ZNF585A: variants seen among roughly 807,000 people sequenced by gnomAD.
ZNF585A encodes zinc finger protein 585A.
ZNF585A carries 9 observed loss-of-function variants against 14.9 expected under a neutral mutation model. The ratio of observed to expected loss-of-function variants is 0.60; its 90% CI spans 0.36 to 1.05. The LOEUF (loss-of-function observed/expected upper bound fraction) is 1.05, where lower values mean the gene tolerates loss of function less well. Among genes scored for constraint, ZNF585A ranks in the 50% least tolerant of loss-of-function variants. The pLI, the probability that ZNF585A is intolerant of heterozygous loss-of-function variation, is 0.01. For synonymous variants in ZNF585A, 276 were observed against 319.9 expected, an observed-to-expected ratio of 0.86 and a Z score of 1.46; for missense variants, 726 against 926.4, an observed-to-expected ratio of 0.78 and a Z score of 2.81.
Position 37,146,864 on chromosome 19 carries a change from G to C in ZNF585A, c.*4725C>G, listed in dbSNP as rs1429001014. On this transcript the variant is annotated 3_prime_UTR_variant, in exon 5 of 5. Transcript: ENST00000292841. ...TTGGTACTGCCCTGACATGGAGTTA[G>C]AGCTGGGTGTGCTGGACCATGGTGG... 1 of 152,352 alleles carries C rather than the reference G, an allele frequency of 6.6e-6. No homozygotes were observed. The highest frequency in any genetic ancestry group is 6.5e-5 in the Admixed American group (1 of 15,270). The allele number at this position is 152,352 out of a possible 1,614,324, so 9.4% of individuals were successfully genotyped here.
intron 2 of ZNF585A, among the ~76,000 whole-genome samples, chr19:37,156,793 G>C (rs1158670844): frequency 6.6e-6 from 1 of 152,052 alleles, no homozygotes; most frequent in East Asian, 1.9e-4. Flanking sequence ...CCAGGTTCAA[G>C]AGAGTCTCCT....
At chr19:37,167,954 C>G (rs1424402804) in intron 2 of ZNF585A, among the ~76,000 whole-genome samples, 4 of 152,142 alleles carry the variant, frequency 2.6e-5, no homozygotes, top group Non-Finnish European at 5.9e-5. Flanking sequence ...TAATTTAATG[C>G]TCTTAGAAAA....
rs960639691 is a variant in ZNF585A at position 37,155,943 on chromosome 19, C to G, written c.214G>C (p.Glu72Gln). 1.9e-6 allele frequency: 3 copies of G among 1,613,472 alleles called. No homozygotes were observed. Among genetic ancestry groups the G allele is most frequent in the African/African-American group, 2.7e-5 (2 of 75,016 alleles). Residue 72 changes from glutamate (E) to glutamine (Q), a missense_variant, in exon 4 of 5, where the codon GAA becomes CAA. Physicochemically the swap from Glu to Gln is conservative, Grantham distance 29 (BLOSUM62 2). This residue lies in a region of ZNF585A where 483 missense variants were observed against 542.8 expected (regional missense o/e 0.89). Coordinates refer to ENST00000292841, the MANE Select transcript of ZNF585A (RefSeq NM_001288800.2). Reference protein sequence around the residue: ...HLLSVGYQVPEAEVVMLEQGK... With the variant: ...HLLSVGYQVPQAEVVMLEQGK... ...TGCTCCAACATGACCACCTCTGCTT[C>G]AGGAACTTGATATCCTGTTCATGGG...
intron 2 of ZNF585A, among the ~76,000 whole-genome samples, chr19:37,161,844 G>T (rs1972018220): frequency 6.6e-6 from 1 of 152,128 alleles, no homozygotes; most frequent in African/African-American, 2.4e-5. Context: ...GAATTCAGGA[G>T]AGTGCACGAG....
intron 2 of ZNF585A, among the ~76,000 whole-genome samples, chr19:37,157,066 C>T (rs187369113): frequency 9.8e-5 from 15 of 152,304 alleles, no homozygotes; most frequent in African/African-American, 3.6e-4. Context: ...CATTTACATA[C>T]AATTAAATGC....
chr19:37,152,131 T>C lies in ZNF585A; in HGVS notation c.1768A>G (p.Lys590Glu). The change falls in exon 5 of 5, where the codon AAG becomes GAG. Residue 590 changes from lysine to glutamate, a missense_variant. By Grantham distance (56) the Lys-to-Glu change is moderately conservative (BLOSUM62 1). Coordinates refer to ENST00000292841, the MANE Select transcript of ZNF585A (RefSeq NM_001288800.2). The stretch of plus-strand genomic sequence containing the variant: ...CTTTGATGAGTAATAAAGTTTGACT[T>C]GCGGATGAAAGCTCTTCCACACTCA... ...CTECGRAFIRKSNFITHQRIH... is the reference protein window; with the variant it reads ...CTECGRAFIRESNFITHQRIH... The C allele has an allele frequency of 1.2e-6, 2 of 1,600,270 alleles. No homozygotes were observed. The highest frequency in any genetic ancestry group is 1.7e-6 in the Non-Finnish European group (2 of 1,171,596).
rs61423771 is a variant in ZNF585A, at chr19:37,156,463, T to G, written c.73-108A>C. The G allele has an allele frequency of 2.7e-3, 3,776 of 1,392,970 alleles. 82 individuals are homozygous for G. In the African/African-American group the frequency reaches 0.049, roughly 18 times the overall value. The allele number at this position is 1,392,970 out of a possible 1,614,324, so 86.3% of individuals were successfully genotyped here. ...CTTGTTGTTTTAAATTTACATTCTC[T>G]TTTTAAAAACTCACTCCCATTTCTC... On this transcript the variant is annotated intron_variant, in intron 2 of 4. Coordinates refer to ENST00000292841, the MANE Select transcript of ZNF585A (RefSeq NM_001288800.2).
intron 2 of ZNF585A, among the ~76,000 whole-genome samples, chr19:37,159,126 A>G (rs535490840): frequency 2.6e-5 from 4 of 151,898 alleles, no homozygotes; most frequent in African/African-American, 7.2e-5. Flanking sequence ...GCACACACCT[A>G]TAATCCCAGC....
chr19:37,167,568 G>A (rs1326373088), intron 2 of ZNF585A, among the ~76,000 whole-genome samples: 2 of 151,486 alleles, frequency 1.3e-5, no homozygotes, highest in East Asian at 3.9e-4. Context: ...TTCACGTTGT[G>A]TAAGAGCCTT....
intron 2 of ZNF585A, among the ~76,000 whole-genome samples, chr19:37,159,337 A>T (rs983367357): frequency 2.6e-5 from 4 of 151,978 alleles, no homozygotes; most frequent in African/African-American, 9.6e-5. Flanking sequence ...TTATACTATT[A>T]TCTTTACTTT....
rs1337039346 is a variant in ZNF585A, at chr19:37,149,253, G to C, written c.*2336C>G. 2.6e-5 allele frequency: 4 copies of C among 152,094 alleles called. No homozygotes were observed. The highest frequency in any genetic ancestry group is 5.9e-5 in the Non-Finnish European group (4 of 68,008). The allele number at this position is 152,094 out of a possible 1,614,324, so 9.4% of individuals were successfully genotyped here. On this transcript the variant is annotated 3_prime_UTR_variant, in exon 5 of 5. Transcript: ENST00000292841. ...TAATGTGGGAGGCTATGCATATGTG[G>C]ATTAGGGGATATATGGGAAACCTCT...
chr19:37,162,730 G>A (rs576388681), intron 2 of ZNF585A, among the ~76,000 whole-genome samples: 73 of 152,174 alleles, frequency 4.8e-4, no homozygotes, highest in African/African-American at 1.5e-3. Flanking sequence ...ATGCAGGAAC[G>A]GAAACCAAAT....
At chr19:37,166,282 G>A (rs555031570) in intron 2 of ZNF585A, among the ~76,000 whole-genome samples, 79 of 151,386 alleles carry the variant, frequency 5.2e-4, no homozygotes, top group Admixed American at 8.6e-4. Context: ...CCAAAGTGCT[G>A]GGATTACAGG....
chr19:37,166,788 T>C (rs1302796727), intron 2 of ZNF585A, among the ~76,000 whole-genome samples: 2 of 151,944 alleles, frequency 1.3e-5, no homozygotes, highest in East Asian at 3.9e-4. Context: ...AGCAATTAAA[T>C]CTATAGTTTT....
At position 37,148,737 on chromosome 19, in the gene ZNF585A, CA is replaced by C. The variant is rs1971777529; in HGVS notation, c.*2851del. The C allele has an allele frequency of 6.6e-6, 1 of 152,144 alleles. No homozygotes were observed. The highest frequency in any genetic ancestry group is 1.5e-5 in the Non-Finnish European group (1 of 68,024). 9.4% of individuals were successfully genotyped at this position (152,144 alleles called of 1,614,324 possible). On this transcript the variant is annotated 3_prime_UTR_variant, in exon 5 of 5. Coordinates refer to ENST00000292841, the MANE Select transcript of ZNF585A (RefSeq NM_001288800.2). ...CACAGATATTTATAACAGCTTTCCT[CA>C]TAATTGCCAAAAGGAAGCATCCAAC...
intron 2 of ZNF585A, among the ~76,000 whole-genome samples, chr19:37,167,513 C>G (rs568148976): frequency 1.3e-5 from 2 of 152,200 alleles, no homozygotes; most frequent in East Asian, 3.9e-4. Context: ...ATAAAAGTTG[C>G]CATTTTAATA....
intron 4 of ZNF585A, among the ~76,000 whole-genome samples, chr19:37,154,793 G>GT (rs1971897261): frequency 8.5e-6 from 1 of 117,584 alleles, no homozygotes; most frequent in African/African-American, 4.0e-5. Context: ...GCATCTCACA[G>GT]TAAAAAAAAA....
chr19:37,153,954 A>T (rs533831305), intron 4 of ZNF585A, among the ~76,000 whole-genome samples: 8 of 152,316 alleles, frequency 5.3e-5, no homozygotes, highest in Admixed American at 2.0e-4. Flanking sequence ...CATCACTTTC[A>T]TCATGACCTT....
chr19:37,163,668 C>T (rs896399403), intron 2 of ZNF585A, among the ~76,000 whole-genome samples: 4 of 151,706 alleles, frequency 2.6e-5, no homozygotes, highest in Admixed American at 1.3e-4. Flanking sequence ...ATTCACAGTA[C>T]AAATTTAATA....
Sources: gnomAD v4.1 joint callset for allele counts (sites outside exome capture counted in the v4.1 genomes callset) on GRCh38, gnomAD v4.1.1 for gene constraint, gnomAD v4.1.1 regional missense constraint, MANE v1.5 for transcripts, NCBI Gene and HGNC (gene_info 2026-07-23, HGNC 2026-07-21) for gene names.